MAP1B: variants seen among roughly 807,000 people sequenced by gnomAD.
MAP1B encodes the protein microtubule associated protein 1B, also known as microtubule-associated protein 1B.
Under a neutral mutation model 176.1 loss-of-function variants are expected in MAP1B, and 12 were observed. That is an observed-to-expected ratio of 0.07 (90% CI 0.04 to 0.11). The LOEUF is 0.11. Ranked by LOEUF, MAP1B falls within the 10% of genes least tolerant of loss-of-function variation. The pLI is 1.00. For missense variants in MAP1B, 2,523 were observed against 2,990.5 expected (o/e 0.84, Z 3.65); for synonymous variants, 1,044 against 1,135.0 (o/e 0.92, Z 1.61).
chr5:72,201,380 AAAAT>A (rs1315830645), intron 5 of MAP1B, among the ~76,000 whole-genome samples: 1 of 152,344 alleles, frequency 6.6e-6, no homozygotes, highest in African/African-American at 2.4e-5. Flanking sequence ...CTGTCTCTCA[AAAAT>A]AAATAAATAA....
At chr5:72,146,467 C>T (rs865779504) in intron 2 of MAP1B, among the ~76,000 whole-genome samples, 11 of 152,182 alleles carry the variant, frequency 7.2e-5, no homozygotes, top group Admixed American at 3.3e-4. Context: ...GAACAATAAT[C>T]GTAGATAACG....
intron 2 of MAP1B, among the ~76,000 whole-genome samples, chr5:72,138,737 G>A (rs1479535683): frequency 2.0e-5 from 3 of 152,128 alleles, no homozygotes; most frequent in African/African-American, 7.2e-5. Flanking sequence ...GTAATGTTGA[G>A]TGACAAGGGA....
Position 72,121,176 on chromosome 5 carries a change from G to A in MAP1B, c.286+5377G>A, listed in dbSNP as rs186241925. On this transcript the variant is annotated intron_variant, in intron 2 of 6. Transcript: ENST00000296755. Reference sequence around the variant, plus strand: ...ACGCAAGGGCTGTCAGGGAACGTGTGCACAGTTTGAGGGCTGGCCTGCCTC... The same window carrying A: ...ACGCAAGGGCTGTCAGGGAACGTGTACACAGTTTGAGGGCTGGCCTGCCTC... Among the ~76,000 whole-genome samples the A allele has an allele frequency of 1.0e-3, 156 of 152,298 alleles. 3 individuals are homozygous for A. Among genetic ancestry groups the A allele is most frequent in the Non-Finnish European group, 1.2e-4 (8 of 68,038 alleles).
At position 72,155,277 on chromosome 5, in the gene MAP1B, A is replaced by G. The variant is rs538953596; in HGVS notation, c.287-28466A>G. ...GCTAACTGGTGAAATGGCTTAAATTATAGGTCAAGGAGCTGGGATTTAATC... is the reference window on the plus strand; with the variant it reads ...GCTAACTGGTGAAATGGCTTAAATTGTAGGTCAAGGAGCTGGGATTTAATC... On this transcript the variant is annotated intron_variant, in intron 2 of 6. Transcript: ENST00000296755. Among the ~76,000 whole-genome samples the G allele has an allele frequency of 3.3e-5, 5 of 152,330 alleles. No individual in the cohort carries two copies. The South Asian group carries it at 1.0e-3, about 32-fold the overall frequency.
intron 4 of MAP1B, among the ~76,000 whole-genome samples, chr5:72,187,686 C>T (rs1442619846): frequency 6.6e-6 from 1 of 152,136 alleles, no homozygotes. Context: ...TGTCCTTCTG[C>T]ACTTAATTTT....
intron 2 of MAP1B, among the ~76,000 whole-genome samples, chr5:72,179,401 G>A (rs1249636537): frequency 6.6e-6 from 1 of 152,196 alleles, no homozygotes; most frequent in Non-Finnish European, 1.5e-5. Context: ...TTCTTTCCTG[G>A]GAACTTCTTT....
At chr5:72,121,668 T>C (rs1398213190) in intron 2 of MAP1B, among the ~76,000 whole-genome samples, 1 of 152,222 alleles carries the variant, frequency 6.6e-6, no homozygotes, top group Non-Finnish European at 1.5e-5. Context: ...AGTTGAGTGA[T>C]AAGAAAATGA....
intron 2 of MAP1B, among the ~76,000 whole-genome samples, chr5:72,148,948 T>C (rs1746093650): frequency 6.6e-6 from 1 of 152,124 alleles, no homozygotes; most frequent in Non-Finnish European, 1.5e-5. Context: ...CTACTCCCTC[T>C]TCAGGACCCA....
intron 2 of MAP1B, among the ~76,000 whole-genome samples, chr5:72,125,456 A>T (rs945130216): frequency 6.6e-5 from 10 of 152,296 alleles, no homozygotes; most frequent in African/African-American, 2.2e-4. Flanking sequence ...TCCTATTATC[A>T]GCCAATCTGT....
Position 72,108,895 on chromosome 5 carries a change from C to A in MAP1B, c.184+1180C>A, listed in dbSNP as rs532070562. On this transcript the variant is annotated intron_variant, in intron 1 of 6. Transcript: ENST00000296755. ...TCGCTCCTGACAGAGGTCGCCGGGTCCCTCCGCAGCCCCAGCCCGCGCTCT... is the reference window on the plus strand; with the variant it reads ...TCGCTCCTGACAGAGGTCGCCGGGTACCTCCGCAGCCCCAGCCCGCGCTCT... 2.6e-5 allele frequency among the ~76,000 whole-genome samples: 4 copies of A among 152,320 alleles called. No individual in the cohort carries two copies. The East Asian group carries it at 7.7e-4, about 29-fold the overall frequency.
chr5:72,141,639 C>A (rs963220815), intron 2 of MAP1B, among the ~76,000 whole-genome samples: 1 of 152,124 alleles, frequency 6.6e-6, no homozygotes, highest in Non-Finnish European at 1.5e-5. Flanking sequence ...CTGGACAATG[C>A]CCTAGAATGA....
intron 5 of MAP1B, among the ~76,000 whole-genome samples, chr5:72,202,526 A>G (rs1370109491): frequency 6.6e-6 from 1 of 152,216 alleles, no homozygotes; most frequent in Non-Finnish European, 1.5e-5. Context: ...CTATGGAGAA[A>G]GAGGATTAAG....
At chr5:72,178,725 G>GGTGTGTGTGTGTGT (rs34082751) in intron 2 of MAP1B, among the ~76,000 whole-genome samples, 4 of 140,506 alleles carry the variant, frequency 2.8e-5, no homozygotes, top group East Asian at 4.3e-4. Flanking sequence ...GCCTCTGAGG[G>GGTGTGTGTGTGTGT]GTGTGTGTGT....
intron 2 of MAP1B, among the ~76,000 whole-genome samples, chr5:72,166,232 T>C (rs1746425400): frequency 1.3e-5 from 2 of 152,182 alleles, no homozygotes; most frequent in South Asian, 4.1e-4. Context: ...CCTAGAGTAA[T>C]AGCTTCTGTG....
intron 2 of MAP1B, among the ~76,000 whole-genome samples, chr5:72,135,286 G>T (rs181790010): frequency 6.6e-6 from 1 of 152,238 alleles, no homozygotes; most frequent in African/African-American, 2.4e-5. Context: ...ATCTCAAAGG[G>T]TTATGCCTGG....
chr5:72,120,346 A>G (rs554269670), intron 2 of MAP1B, among the ~76,000 whole-genome samples: 1 of 152,104 alleles, frequency 6.6e-6, no homozygotes, highest in South Asian at 2.1e-4. Flanking sequence ...TTGCTGTGTC[A>G]TCTTGGACAA....
At chr5:72,192,259 C>T (rs1747040583) in intron 4 of MAP1B, among the ~76,000 whole-genome samples, 1 of 152,162 alleles carries the variant, frequency 6.6e-6, no homozygotes, top group African/African-American at 2.4e-5. Flanking sequence ...ATTTGATGCC[C>T]TATGTTTGCT....
At chr5:72,155,758 TTTC>T (rs1199263559) in intron 2 of MAP1B, among the ~76,000 whole-genome samples, 11 of 144,996 alleles carry the variant, frequency 7.6e-5, no homozygotes, top group Non-Finnish European at 4.5e-5. Context: ...ATTGATTGAT[TTTC>T]TTTTCTTTTT....
chr5:72,199,255 C>T lies in MAP1B; in HGVS notation c.5900C>T (p.Pro1967Leu). ...YDISEKTTSP[P>L]EVSGYSYEKT... The stretch of plus-strand genomic sequence containing the variant: ...ATAAGTGAAAAGACCACCAGCCCCC[C>T]CGAAGTGAGTGGTTACAGCTATGAA... Residue 1967 changes from proline to leucine, a missense_variant, in exon 5 of 7, where the codon CCC (proline) becomes CTC (leucine). Around this residue, in one of 4 missense-constraint regions of MAP1B, gnomAD observed 1,925 missense variants for 2,126.0 expected, o/e 0.91. Transcript: ENST00000296755. The surrounding 1 kb of genome is among the most constrained non-coding windows in gnomAD (Gnocchi z 4.2). 6.2e-7 allele frequency: 1 copy of T among 1,614,098 alleles called. No individual in the cohort carries two copies. Among genetic ancestry groups the T allele is most frequent in the Non-Finnish European group, 8.5e-7 (1 of 1,180,022 alleles).
Sources: gnomAD v4.1 joint callset for allele counts (sites outside exome capture counted in the v4.1 genomes callset) on GRCh38, gnomAD v4.1.1 for gene constraint, gnomAD v4.1.1 regional missense constraint, Gnocchi (gnomAD v3.1) non-coding constraint, MANE v1.5 for transcripts, NCBI Gene and HGNC (gene_info 2026-07-23, HGNC 2026-07-21) for gene names.